COBL: variants seen among roughly 807,000 people sequenced by gnomAD.
COBL encodes cordon-bleu WH2 repeat protein.
Under a neutral mutation model 98.8 loss-of-function variants are expected in COBL, and 51 were observed. The ratio of observed to expected loss-of-function variants is 0.52; its 90% CI spans 0.41 to 0.65. The LOEUF (loss-of-function observed/expected upper bound fraction) is 0.65. COBL is among the 30% of genes least tolerant of loss of function. The pLI is 0.00. For synonymous variants in COBL, 634 were observed against 651.7 expected, an observed-to-expected ratio of 0.97 and a Z score of 0.41; for missense variants, 1,617 against 1,617.5, an observed-to-expected ratio of 1.00 and a Z score of 0.01.
At chr7:51,092,239 G>A (rs535064032) in intron 6 of COBL, among the ~76,000 whole-genome samples, 2 of 152,308 alleles carry the variant, frequency 1.3e-5, no homozygotes, top group African/African-American at 4.8e-5. Flanking sequence ...CTGGTCCGTG[G>A]AAAAATTGTC....
intron 1 of COBL, among the ~76,000 whole-genome samples, chr7:51,292,375 C>T (rs1307468919): frequency 6.6e-6 from 1 of 152,002 alleles, no homozygotes; most frequent in African/African-American, 2.4e-5. Flanking sequence ...TCATCCATTC[C>T]AAGAGTATTA....
chr7:51,051,863 A>ATGAT (rs57777918), intron 7 of COBL, among the ~76,000 whole-genome samples: 58,422 of 151,744 alleles, frequency 0.39, 14,058 homozygotes, highest in African/African-American at 0.67. Flanking sequence ...GCTTAGAATC[A>ATGAT]GTTCAGCTAC....
At chr7:51,272,563 C>T (rs1041228360) in intron 1 of COBL, among the ~76,000 whole-genome samples, 1 of 152,108 alleles carries the variant, frequency 6.6e-6, no homozygotes, top group Non-Finnish European at 1.5e-5. Flanking sequence ...AAGGAAAATT[C>T]AGAATATTGG....
chr7:51,030,688 C>A, intron 9 of COBL, 124 bp downstream of exon 9: 1 of 677,528 alleles, frequency 1.5e-6, no homozygotes, highest in Non-Finnish European at 2.6e-6. Flanking sequence ...ACCAAACTGA[C>A]CTGGAATTCC....
intron 8 of COBL, among the ~76,000 whole-genome samples, chr7:51,036,539 G>A (rs2285843): frequency 0.3 from 45,407 of 151,598 alleles, 7,421 homozygotes; most frequent in East Asian, 0.45. Flanking sequence ...GTGTGATCTG[G>A]GTCCCTCTGC....
chr7:51,209,606 A>C (rs1382628159), intron 2 of COBL, among the ~76,000 whole-genome samples: 1 of 152,102 alleles, frequency 6.6e-6, no homozygotes, highest in African/African-American at 2.4e-5. Flanking sequence ...TAGCGAACAG[A>C]CTTCTTAAAA....
chr7:51,110,492 C>G (rs1443527773), intron 6 of COBL, among the ~76,000 whole-genome samples: 2 of 152,174 alleles, frequency 1.3e-5, no homozygotes, highest in Non-Finnish European at 2.9e-5. Context: ...TATACCACAT[C>G]TTCTCTAACC....
At chr7:51,229,938 G>A (rs970263499) in intron 1 of COBL, among the ~76,000 whole-genome samples, 38 of 152,278 alleles carry the variant, frequency 2.5e-4, no homozygotes, top group African/African-American at 9.1e-4. Context: ...TAGGTTTGGG[G>A]ATGGAGGGAT....
intron 6 of COBL, among the ~76,000 whole-genome samples, chr7:51,109,258 T>C (rs906577328): frequency 6.6e-6 from 1 of 152,174 alleles, no homozygotes; most frequent in Non-Finnish European, 1.5e-5. Context: ...TTTCCCCAAC[T>C]ACCACCTACT....
intron 1 of COBL, among the ~76,000 whole-genome samples, chr7:51,269,519 G>A (rs931954463): frequency 1.3e-5 from 2 of 152,218 alleles, no homozygotes; most frequent in Non-Finnish European, 2.9e-5. Context: ...GGCAGGACGT[G>A]GGGGGCAGAG....
At chr7:51,200,873 A>G (rs773566768) in intron 2 of COBL, among the ~76,000 whole-genome samples, 2 of 152,152 alleles carry the variant, frequency 1.3e-5, no homozygotes, top group Non-Finnish European at 2.9e-5. Context: ...TGCTGTCTAC[A>G]AGAGACTCAT....
At chr7:51,085,796 C>T (rs534064148) in intron 6 of COBL, among the ~76,000 whole-genome samples, 74 of 152,308 alleles carry the variant, frequency 4.9e-4, no homozygotes, top group Non-Finnish European at 8.4e-4. Context: ...TGCATGTTCA[C>T]GTTCCAGAGC....
chr7:51,148,172 G>C (rs1035504843), intron 5 of COBL, among the ~76,000 whole-genome samples: 3 of 152,164 alleles, frequency 2.0e-5, no homozygotes, highest in African/African-American at 7.2e-5. Context: ...GGAGAGGAGA[G>C]TCTCTTTGAA....
chr7:51,040,940 T>A (rs977722359), intron 8 of COBL, among the ~76,000 whole-genome samples: 1 of 152,214 alleles, frequency 6.6e-6, no homozygotes, highest in Non-Finnish European at 1.5e-5. Flanking sequence ...TCCCGCGGGG[T>A]GCAGAGTAAC....
intron 4 of COBL, among the ~76,000 whole-genome samples, chr7:51,190,277 T>C (rs1429861169): frequency 6.6e-6 from 1 of 152,142 alleles, no homozygotes; most frequent in African/African-American, 2.4e-5. Context: ...GGTGCAATCA[T>C]AGCTCAGTGC....
chr7:51,050,710 G>A (rs1211803783), intron 7 of COBL, among the ~76,000 whole-genome samples: 5 of 152,194 alleles, frequency 3.3e-5, no homozygotes, highest in Non-Finnish European at 7.3e-5. Flanking sequence ...TCCACGGACT[G>A]CAGAGGAACA....
chr7:51,243,336 T>G (rs1273311466), intron 1 of COBL, among the ~76,000 whole-genome samples: 2 of 152,212 alleles, frequency 1.3e-5, no homozygotes, highest in Admixed American at 1.3e-4. Context: ...CTCACCCCTC[T>G]GTACCTCCGG....
intron 12 of COBL, chr7:51,022,505 C>A (rs1277292745): frequency 1.3e-5 from 2 of 152,258 alleles, no homozygotes; most frequent in Non-Finnish European, 2.9e-5. Context: ...CTCTCCGTGG[C>A]CTGTGCATTT....
chr7:51,081,435 C>T (rs143709448), intron 7 of COBL, among the ~76,000 whole-genome samples: 24 of 152,334 alleles, frequency 1.6e-4, no homozygotes, highest in African/African-American at 5.3e-4. Flanking sequence ...GCTCTCCTTC[C>T]GGCTCAGACC....
Sources: allele counts gnomAD v4.1 joint callset (sites outside exome capture counted in the v4.1 genomes callset), GRCh38; gene constraint gnomAD v4.1.1; transcripts MANE v1.5; gene names NCBI Gene and HGNC (gene_info 2026-07-23, HGNC 2026-07-21).